Variants in SOAT1 observed in about 807,000 individuals in gnomAD.
The protein encoded by SOAT1 is sterol O-acyltransferase 1, also known as acyl-coenzyme A:cholesterol acyltransferase 1.
In SOAT1, 55 loss-of-function variants were observed where a neutral mutation model predicts 69.5. The observed-to-expected ratio is 0.79, with a 90% CI of 0.64 to 0.99. The LOEUF is 0.99. SOAT1 is among the 50% of genes least tolerant of loss of function. The pLI is 0.00. For missense variants in SOAT1, 580 were observed against 669.3 expected (o/e 0.87, Z 1.47); for synonymous variants, 231 against 224.7 (o/e 1.03, Z -0.25).
At chr1:179,312,495 G>A (rs77384510) in intron 2 of SOAT1, among the ~76,000 whole-genome samples, 2,070 of 152,202 alleles carry the variant, frequency 0.014, 49 homozygotes, top group African/African-American at 0.047. Context: ...CAGACTTCTC[G>A]TGTCTCATTG....
intron 2 of SOAT1, among the ~76,000 whole-genome samples, chr1:179,308,670 CA>C (rs552539528): frequency 0.24 from 23,990 of 99,112 alleles, 1,672 homozygotes; most frequent in Non-Finnish European, 0.26. Context: ...AGACTCCGTC[CA>C]AAAAAAAAAA....
intron 3 of SOAT1, 100 bp downstream of exon 3, chr1:179,323,595 C>A: frequency 1.0e-6 from 1 of 958,860 alleles, no homozygotes; most frequent in Non-Finnish European, 1.6e-6. Flanking sequence ...ATTATTTAAG[C>A]CATTCATCAG....
intron 11 of SOAT1, among the ~76,000 whole-genome samples, chr1:179,347,241 C>CT (rs1666563245): frequency 6.6e-6 from 1 of 151,690 alleles, no homozygotes; most frequent in Non-Finnish European, 1.5e-5. Context: ...GCCTGTAGTT[C>CT]CAGCTACTTG....
chr1:179,298,734 C>T (rs116325590), intron 1 of SOAT1, among the ~76,000 whole-genome samples: 66 of 152,226 alleles, frequency 4.3e-4, no homozygotes, highest in African/African-American at 1.4e-3. Flanking sequence ...GACTATTTTA[C>T]AATAAAGTGT....
In SOAT1 at chr1:179,357,882, A is replaced by G. The variant is rs45471092; in HGVS notation, c.*4241A>G. The G allele has an allele frequency of 0.45, 68,672 of 151,926 alleles. 15,599 individuals are homozygous for G. Among genetic ancestry groups the G allele is most frequent in the Non-Finnish European group, 0.49 (33,533 of 67,958 alleles). The allele number at this position is 151,926 out of a possible 1,614,324, so 9.4% of individuals were successfully genotyped here. A position where few individuals can be genotyped will look rare whatever the true frequency, so the allele number is the denominator to read the frequency against. On this transcript the variant is annotated 3_prime_UTR_variant, in exon 16 of 16. Transcript: ENST00000367619. ...CACCACTTAATTCCTCAAAACATTT[A>G]TGTCCCAGTTCCCTCCATTTCAGAG...
intron 2 of SOAT1, among the ~76,000 whole-genome samples, chr1:179,309,186 C>T (rs377699950): frequency 2.0e-5 from 3 of 152,162 alleles, no homozygotes; most frequent in South Asian, 4.1e-4. Flanking sequence ...CTGGTTCAAG[C>T]GATTCTTCTG....
chr1:179,344,789 C>T (rs1332840977), intron 10 of SOAT1, among the ~76,000 whole-genome samples, 158 bp from the exon 11 acceptor site: 1 of 152,110 alleles, frequency 6.6e-6, no homozygotes, highest in Non-Finnish European at 1.5e-5. Context: ...AGTAATCTCC[C>T]TGAAGGATTA....
Position 179,355,765 on chromosome 1 carries a change from C to T in SOAT1, c.*2124C>T, listed in dbSNP as rs1308241219. 6 of 152,202 alleles carry T rather than the reference C, an allele frequency of 3.9e-5. No homozygotes were observed. Among genetic ancestry groups the T allele is most frequent in the African/African-American group, 1.2e-4 (5 of 41,418 alleles). 9.4% of individuals were successfully genotyped at this position (152,202 alleles called of 1,614,324 possible). Reference sequence around the variant, plus strand: ...GGTCAGGCTGGTCTCAAACTCCTGACCTTGTGATCTGCCCACCTCAGCCTC... The same window carrying T: ...GGTCAGGCTGGTCTCAAACTCCTGATCTTGTGATCTGCCCACCTCAGCCTC... On this transcript the variant is annotated 3_prime_UTR_variant, in exon 16 of 16. Transcript: ENST00000367619.
At chr1:179,321,027 C>T (rs1665581039) in intron 2 of SOAT1, among the ~76,000 whole-genome samples, 1 of 152,046 alleles carries the variant, frequency 6.6e-6, no homozygotes, top group Non-Finnish European at 1.5e-5. Context: ...CTGCCTTGGA[C>T]TCCCAAGTAG....
chr1:179,312,273 A>G (rs781619953), intron 2 of SOAT1, among the ~76,000 whole-genome samples: 4 of 152,202 alleles, frequency 2.6e-5, no homozygotes, highest in Non-Finnish European at 4.4e-5. Flanking sequence ...GAAGGCAGAT[A>G]GCGGGTAATT....
chr1:179,326,340 A>G (rs1274344269), intron 3 of SOAT1, among the ~76,000 whole-genome samples: 1 of 152,108 alleles, frequency 6.6e-6, no homozygotes, highest in Non-Finnish European at 1.5e-5. Context: ...AGTTGAAATG[A>G]TGTCCTCGCT....
Position 179,343,580 on chromosome 1 carries a change from T to C in SOAT1, c.942-10T>C, listed in dbSNP as rs1666417437. On this transcript the variant is annotated splice_polypyrimidine_tract_variant and intron_variant, in intron 9 of 15. Transcript: ENST00000367619. ...TTTAGAAACCTTATTTTTGTTTCTT[T>C]CTTTTTCAGGAATCCCACTGTAAGA... The C allele has an allele frequency of 6.2e-7, 1 of 1,606,392 alleles. No homozygotes were observed. The highest frequency in any genetic ancestry group is 8.5e-7 in the Non-Finnish European group (1 of 1,175,420).
In SOAT1 at chr1:179,356,495, CAG is replaced by C. The variant is rs1666910614; in HGVS notation, c.*2857_*2858del. On this transcript the variant is annotated 3_prime_UTR_variant, in exon 16 of 16. Transcript: ENST00000367619. ...TTTTTTTTTTTTTTTTTTTTTAAGACAGAGTCTTGTTCTGTCGCCCAGGCCAG... is the reference window on the plus strand; with the variant it reads ...TTTTTTTTTTTTTTTTTTTTTAAGACAGTCTTGTTCTGTCGCCCAGGCCAG... 1 of 69,638 alleles carries C rather than the reference CAG, an allele frequency of 1.4e-5. No homozygotes were observed. Among genetic ancestry groups the C allele is most frequent in the South Asian group, 4.3e-4 (1 of 2,306 alleles). 4.3% of individuals were successfully genotyped at this position (69,638 alleles called of 1,614,324 possible). A position where few individuals can be genotyped will look rare whatever the true frequency, so the allele number is the denominator to read the frequency against.
intron 2 of SOAT1, among the ~76,000 whole-genome samples, chr1:179,310,401 TTATC>T (rs1460416580): frequency 1.3e-5 from 2 of 152,172 alleles, no homozygotes; most frequent in Admixed American, 6.5e-5. Context: ...TGTTTCAACA[TTATC>T]TATTAAGTCT....
chr1:179,314,731 T>C (rs1293101120), intron 2 of SOAT1, among the ~76,000 whole-genome samples: 1 of 152,118 alleles, frequency 6.6e-6, no homozygotes, highest in Non-Finnish European at 1.5e-5. Flanking sequence ...GCCTGGAGTC[T>C]GGTGTTTTTT....
intron 3 of SOAT1, among the ~76,000 whole-genome samples, chr1:179,331,998 A>G (rs1416579997): frequency 6.6e-6 from 1 of 152,130 alleles, no homozygotes; most frequent in Non-Finnish European, 1.5e-5. Flanking sequence ...TGATCAAGGG[A>G]CCTACTTTTT....
intron 12 of SOAT1, among the ~76,000 whole-genome samples, chr1:179,348,418 C>G (rs1159194152): frequency 6.6e-6 from 1 of 152,040 alleles, no homozygotes; most frequent in Non-Finnish European, 1.5e-5. Context: ...ATAATTTTGC[C>G]ATTTATGGTA....
chr1:179,330,419 C>T (rs1194325126), intron 3 of SOAT1, among the ~76,000 whole-genome samples: 1 of 152,156 alleles, frequency 6.6e-6, no homozygotes, highest in Non-Finnish European at 1.5e-5. Flanking sequence ...AGTCACAAAT[C>T]TTGTGACTTT....
intron 1 of SOAT1, among the ~76,000 whole-genome samples, chr1:179,300,717 T>G (rs1246837252): frequency 6.6e-6 from 1 of 152,204 alleles, no homozygotes; most frequent in Non-Finnish European, 1.5e-5. Context: ...AATAATGTAA[T>G]GAGTATTTCA....
Sources: allele counts gnomAD v4.1 joint callset (sites outside exome capture counted in the v4.1 genomes callset), GRCh38; gene constraint gnomAD v4.1.1; transcripts MANE v1.5; gene names NCBI Gene and HGNC (gene_info 2026-07-23, HGNC 2026-07-21).